Variants in REXO5 observed in about 807,000 individuals in gnomAD.
REXO5 encodes the protein exonuclease NEF-sp.
Under a neutral mutation model 88.5 loss-of-function variants are expected in REXO5, and 48 were observed. That is an observed-to-expected ratio of 0.54 (90% CI 0.43 to 0.69). The LOEUF (loss-of-function observed/expected upper bound fraction) is 0.69, where lower values mean the gene tolerates loss of function less well. Among genes scored for constraint, REXO5 ranks in the 30% least tolerant of loss-of-function variants. REXO5 has a pLI of 0.00. For synonymous variants in REXO5, 311 were observed against 336.5 expected (o/e 0.92, Z 0.83); for missense variants, 749 against 912.2 (o/e 0.82, Z 2.30).
At chr16:20,839,609 T>C (rs1349887956) in intron 13 of REXO5, 146 bp from the exon 14 acceptor site, 1 of 492,476 alleles carries the variant, frequency 2.0e-6, no homozygotes, top group African/African-American at 1.9e-5. Flanking sequence ...GTTTCACCAT[T>C]TTCCTGCAGA....
At chr16:20,840,704 A>G (rs1025925422) in intron 15 of REXO5, among the ~76,000 whole-genome samples, 2 of 152,278 alleles carry the variant, frequency 1.3e-5, no homozygotes, top group East Asian at 3.9e-4. Context: ...GCAGTGGCCT[A>G]TACCTGTAAT....
At position 20,832,136 on chromosome 16, in the gene REXO5, A is replaced by T. The variant is rs1172264144; in HGVS notation, c.1159-20A>T. ...ATGCTCTGCAAGCAATTATATTTTT[A>T]CCACTTTGTTTTCTTCAAGATTGCA... On this transcript the variant is annotated intron_variant, in intron 11 of 19. Coordinates refer to ENST00000261377, the MANE Select transcript of REXO5 (RefSeq NM_030941.3). The T allele has an allele frequency of 6.7e-7, 1 of 1,489,042 alleles. No individual in the cohort carries two copies. The highest frequency in any genetic ancestry group is 1.9e-5 in the Admixed American group (1 of 52,906). 92.2% of individuals were successfully genotyped at this position (1,489,042 alleles called of 1,614,324 possible).
rs56204632 is a variant in REXO5 at position 20,847,273 on chromosome 16, CAA to C, written c.2243+945_2243+946del. 8.8e-4 allele frequency among the ~76,000 whole-genome samples: 124 copies of C among 141,222 alleles called. 1 individual carries two copies. Among genetic ancestry groups the C allele is most frequent in the African/African-American group, 2.7e-3 (102 of 37,154 alleles). The allele number at this position is 141,222 out of a possible 152,430, so 92.6% of individuals were successfully genotyped here. A position where few individuals can be genotyped will look rare whatever the true frequency, so the allele number is the denominator to read the frequency against. On this transcript the variant is annotated intron_variant, in intron 19 of 19. Transcript: ENST00000261377. ...AAAAACACACACACAAAAAAAAAAA[CAA>C]AAAAAAAAAACCCAGCCAGGTTTGG...
intron 13 of REXO5, among the ~76,000 whole-genome samples, chr16:20,837,873 C>T (rs1204014682): frequency 6.6e-6 from 1 of 152,146 alleles, no homozygotes; most frequent in African/African-American, 2.4e-5. Flanking sequence ...TCAAGCGATC[C>T]TCCTGCCTCA....
chr16:20,840,436 C>G lies in REXO5; in HGVS notation c.1594C>G (p.Gln532Glu). ...GCTGTTTAAAAGCTTTGGCCCAGTC[C>G]AGTCAATGACTTTTGTTCTTGAAAC... ...KRLFKSFGPV[Q>E]SMTFVLETRQ... The change falls in exon 15 of 20, where the codon CAG (glutamine) becomes GAG (glutamate). Residue 532 changes from glutamine (Q) to glutamate (E), a missense_variant. Transcript: ENST00000261377. The G allele has an allele frequency of 6.4e-7, 1 of 1,563,090 alleles. No homozygotes were observed. Among genetic ancestry groups the G allele is most frequent in the Non-Finnish European group, 8.7e-7 (1 of 1,144,370 alleles).
chr16:20,823,260 T>C (rs911920390), intron 6 of REXO5, among the ~76,000 whole-genome samples: 1 of 152,220 alleles, frequency 6.6e-6, no homozygotes, highest in Admixed American at 6.5e-5. Flanking sequence ...GGAGTTCTTA[T>C]TTTCTGGATG....
chr16:20,809,896 G>A (rs568864885), intron 2 of REXO5, among the ~76,000 whole-genome samples: 2 of 152,122 alleles, frequency 1.3e-5, no homozygotes, highest in South Asian at 2.1e-4. Flanking sequence ...AACACTTTGG[G>A]CTTATGCATT....
chr16:20,832,926 TAA>T, intron 12 of REXO5, 75 bp from the exon 13 acceptor site: 1 of 1,377,392 alleles, frequency 7.3e-7, no homozygotes, highest in Non-Finnish European at 1.0e-6. Flanking sequence ...CCATATTGTA[TAA>T]TGCAAGTATA....
At position 20,825,850 on chromosome 16, in the gene REXO5, G is replaced by C. The variant is rs375943357; in HGVS notation, c.723G>C (p.Gly241=). Residue 241 remains glycine, a synonymous_variant, in exon 8 of 20, where the codon GGG becomes GGC. Transcript: ENST00000261377. The part of the protein sequence containing the change: ...LDCEMCLTSK[G]RELTRISLVA... ...TCTTTCAGTGCCTCACATCCAAGGGGAGAGAGCTAACACGCATCTCACTGG... is the reference window on the plus strand; with the variant it reads ...TCTTTCAGTGCCTCACATCCAAGGGCAGAGAGCTAACACGCATCTCACTGG... The C allele has an allele frequency of 6.2e-7, 1 of 1,613,646 alleles. No homozygotes were observed. The highest frequency in any genetic ancestry group is 8.5e-7 in the Non-Finnish European group (1 of 1,179,786).
At chr16:20,818,654 A>G (rs9928345) in intron 5 of REXO5, among the ~76,000 whole-genome samples, 94,485 of 152,046 alleles carry the variant, frequency 0.62, 30,479 homozygotes, top group Non-Finnish European at 0.72. Context: ...ATTTTTAGTA[A>G]CGACAGAGTT....
At chr16:20,815,466 C>T (rs1159908692) in intron 4 of REXO5, among the ~76,000 whole-genome samples, 2 of 152,146 alleles carry the variant, frequency 1.3e-5, no homozygotes, top group African/African-American at 4.8e-5. Context: ...CTTCCATTTC[C>T]TAGTGACCCA....
chr16:20,828,832 C>T (rs1203853038), intron 11 of REXO5, among the ~76,000 whole-genome samples: 6 of 151,750 alleles, frequency 4.0e-5, no homozygotes, highest in African/African-American at 1.2e-4. Context: ...GAGGCTGAGA[C>T]AGGAGAATCG....
intron 11 of REXO5, among the ~76,000 whole-genome samples, chr16:20,831,638 C>T (rs1266297961): frequency 6.6e-6 from 1 of 152,136 alleles, no homozygotes; most frequent in Non-Finnish European, 1.5e-5. Flanking sequence ...ATTATTCTCT[C>T]TACATCACAA....
At chr16:20,821,412 A>G (rs1014003669) in intron 5 of REXO5, among the ~76,000 whole-genome samples, 4 of 152,002 alleles carry the variant, frequency 2.6e-5, no homozygotes, top group African/African-American at 9.7e-5. Flanking sequence ...TCAGCCTCCC[A>G]AGTAGCTGGG....
At chr16:20,817,633 C>T (rs1005965207) in intron 5 of REXO5, among the ~76,000 whole-genome samples, 2 of 152,122 alleles carry the variant, frequency 1.3e-5, no homozygotes, top group Non-Finnish European at 2.9e-5. Context: ...TTCTGTAGGC[C>T]TTGAGGAGCC....
chr16:20,827,072 C>A lies in REXO5; in HGVS notation c.836C>A (p.Thr279Lys). ...TTTAATGAAAGCTTTTCGGGAATCA[C>A]GAAGAAGATTCTTAACCCAGTGACG... ...LDYLTSFSGITKKILNPVTTK... is the reference protein window; with the variant it reads ...LDYLTSFSGIKKKILNPVTTK... The change falls in exon 9 of 20, where the codon ACG becomes AAG. Residue 279 changes from threonine to lysine, a missense_variant. Coordinates refer to ENST00000261377, the MANE Select transcript of REXO5 (RefSeq NM_030941.3). 8 of 1,613,636 alleles carry A rather than the reference C, an allele frequency of 5.0e-6. No homozygotes were observed. Among genetic ancestry groups the A allele is most frequent in the Non-Finnish European group, 6.8e-6 (8 of 1,179,780 alleles).
At chr16:20,848,269 TAGA>T (rs1439323003) in intron 19 of REXO5, among the ~76,000 whole-genome samples, 2 of 152,124 alleles carry the variant, frequency 1.3e-5, no homozygotes, top group East Asian at 1.9e-4. Flanking sequence ...GCAAAAACAA[TAGA>T]AGGTTTCCTT....
At chr16:20,822,654 T>A (rs990862133) in intron 6 of REXO5, among the ~76,000 whole-genome samples, 1 of 152,232 alleles carries the variant, frequency 6.6e-6, no homozygotes, top group African/African-American at 2.4e-5. Flanking sequence ...TTCCTGTAAG[T>A]GGATGTGCAA....
At chr16:20,825,665 C>G (rs2081249659) in intron 7 of REXO5, 168 bp from the exon 8 acceptor site, 1 of 579,028 alleles carries the variant, frequency 1.7e-6, no homozygotes, top group Non-Finnish European at 3.1e-6. Flanking sequence ...ATTCAGCAGC[C>G]TGCCCAGCTT....
Sources: gnomAD v4.1 joint callset for allele counts (sites outside exome capture counted in the v4.1 genomes callset) on GRCh38, gnomAD v4.1.1 for gene constraint, MANE v1.5 for transcripts, NCBI Gene and HGNC (gene_info 2026-07-23, HGNC 2026-07-21) for gene names.